The following CCDC178 variants were observed in gnomAD, a reference collection of about 807,000 sequenced individuals.
CCDC178 encodes the protein coiled-coil domain-containing protein 178.
CCDC178 carries 126 observed loss-of-function variants against 117.4 expected under a neutral mutation model. The ratio of observed to expected loss-of-function variants is 1.07; its 90% CI spans 0.93 to 1.24. The LOEUF is 1.24. Ranked by LOEUF, CCDC178 falls within the 50% of genes most tolerant of loss-of-function variation. CCDC178 has a pLI of 0.00. For missense variants in CCDC178, 1,030 were observed against 986.9 expected (o/e 1.04, Z -0.59); for synonymous variants, 283 against 313.4 (o/e 0.90, Z 1.02).
At chr18:33,175,059 T>C (rs551417464) in intron 20 of CCDC178, among the ~76,000 whole-genome samples, 2 of 151,050 alleles carry the variant, frequency 1.3e-5, no homozygotes, top group South Asian at 4.2e-4. Context: ...TTGGTATTTT[T>C]AGTTGAGATG....
At chr18:32,994,569 G>A (rs1050984219) in intron 21 of CCDC178, among the ~76,000 whole-genome samples, 1 of 152,088 alleles carries the variant, frequency 6.6e-6, no homozygotes. Flanking sequence ...AATTCAAAGG[G>A]AAAATAGAAG....
At chr18:33,254,159 C>T (rs578017624) in intron 14 of CCDC178, among the ~76,000 whole-genome samples, 8 of 151,308 alleles carry the variant, frequency 5.3e-5, no homozygotes, top group South Asian at 2.1e-4. Context: ...AATAGGAGGA[C>T]GGAGATACTG....
chr18:33,297,368 C>T (rs2062118715), intron 11 of CCDC178, among the ~76,000 whole-genome samples: 1 of 151,530 alleles, frequency 6.6e-6, no homozygotes, highest in Non-Finnish European at 1.5e-5. Context: ...CTAAAAAATA[C>T]AAGAAATTCA....
At chr18:33,301,639 G>A (rs1490952770) in intron 11 of CCDC178, among the ~76,000 whole-genome samples, 2 of 152,210 alleles carry the variant, frequency 1.3e-5, no homozygotes, top group African/African-American at 4.8e-5. Flanking sequence ...AGTAAAAGGA[G>A]ATTATTTCAG....
At chr18:33,045,090 C>T (rs2056617707) in intron 21 of CCDC178, among the ~76,000 whole-genome samples, 1 of 151,960 alleles carries the variant, frequency 6.6e-6, no homozygotes, top group Admixed American at 6.6e-5. Flanking sequence ...TCAGTAAAAA[C>T]CCAGAATTCA....
At position 33,311,071 on chromosome 18, in the gene CCDC178, G is replaced by C. The variant is rs148430758; in HGVS notation, c.1022+12420C>G. ...AAAGGACTAAGGAAAGATCCCTAGG[G>C]GTTTCAAAACCTCATTTGAAGTATT... On this transcript the variant is annotated intron_variant, in intron 11 of 22. Transcript: ENST00000383096. Among the ~76,000 whole-genome samples the C allele has an allele frequency of 1.8e-3, 271 of 152,182 alleles. 3 individuals are homozygous for C. The highest frequency in any genetic ancestry group is 0.013 in the Admixed American group (201 of 15,298).
intron 21 of CCDC178, among the ~76,000 whole-genome samples, chr18:33,028,715 T>C (rs2056276737): frequency 1.3e-5 from 2 of 151,846 alleles, no homozygotes; most frequent in African/African-American, 4.8e-5. Flanking sequence ...TTCTAGTTTA[T>C]TATTTTTTAA....
intron 22 of CCDC178, among the ~76,000 whole-genome samples, chr18:32,948,288 T>A (rs2054401531): frequency 6.6e-6 from 1 of 152,140 alleles, no homozygotes; most frequent in Non-Finnish European, 1.5e-5. Flanking sequence ...TCAATTTGGG[T>A]AAAACTGGCA....
intron 12 of CCDC178, among the ~76,000 whole-genome samples, chr18:33,274,135 C>A (rs577312380): frequency 2.6e-5 from 4 of 151,568 alleles, no homozygotes; most frequent in African/African-American, 2.4e-5. Context: ...ACAGGAAAAG[C>A]CATTTTCCAT....
At chr18:33,386,338 C>T (rs1224938786) in intron 5 of CCDC178, among the ~76,000 whole-genome samples, 1 of 152,136 alleles carries the variant, frequency 6.6e-6, no homozygotes, top group Admixed American at 6.6e-5. Flanking sequence ...AGGAGGGACT[C>T]CTCCCTAACT....
chr18:33,111,295 G>T (rs1489601849), intron 20 of CCDC178, among the ~76,000 whole-genome samples: 1 of 151,418 alleles, frequency 6.6e-6, no homozygotes, highest in Non-Finnish European at 1.5e-5. Flanking sequence ...TATCTGTAAA[G>T]TCCTTTGGGT....
intron 4 of CCDC178, among the ~76,000 whole-genome samples, chr18:33,393,861 T>A (rs1471447246): frequency 7.9e-5 from 12 of 152,134 alleles, no homozygotes; most frequent in Admixed American, 7.9e-4. Context: ...TGTATATAAG[T>A]GTGTTCAAGT....
chr18:33,278,662 T>C (rs2059983238), intron 12 of CCDC178, among the ~76,000 whole-genome samples: 1 of 152,064 alleles, frequency 6.6e-6, no homozygotes, highest in Non-Finnish European at 1.5e-5. Flanking sequence ...TTAGAGAATA[T>C]TACTATTAGC....
intron 20 of CCDC178, among the ~76,000 whole-genome samples, chr18:33,102,515 T>C (rs1046926150): frequency 6.6e-6 from 1 of 151,536 alleles, no homozygotes; most frequent in African/African-American, 2.4e-5. Flanking sequence ...GTGCCAACTA[T>C]GAGAAGTTCA....
intron 20 of CCDC178, among the ~76,000 whole-genome samples, chr18:33,157,153 A>G (rs551244702): frequency 1.6e-4 from 25 of 152,308 alleles, no homozygotes; most frequent in African/African-American, 5.8e-4. Context: ...AAATGTTTCA[A>G]AGAGTACCAG....
chr18:33,382,612 AG>A (rs999997394), intron 5 of CCDC178, among the ~76,000 whole-genome samples: 1 of 152,136 alleles, frequency 6.6e-6, no homozygotes, highest in African/African-American at 2.4e-5. Context: ...CCCATGCCAA[AG>A]GAAGTGGTGA....
chr18:33,147,130 G>A (rs1016063680), intron 20 of CCDC178, among the ~76,000 whole-genome samples: 1 of 149,702 alleles, frequency 6.7e-6, no homozygotes, highest in African/African-American at 2.5e-5. Flanking sequence ...GCATTATCTG[G>A]TAGCTGATTT....
intron 20 of CCDC178, among the ~76,000 whole-genome samples, chr18:33,129,374 C>T (rs953980144): frequency 1.1e-4 from 16 of 151,876 alleles, no homozygotes; most frequent in African/African-American, 3.9e-4. Flanking sequence ...TGTTTTAGAA[C>T]CCAAGGGCAA....
At chr18:33,198,278 C>T (rs1292840909) in intron 20 of CCDC178, among the ~76,000 whole-genome samples, 2 of 152,182 alleles carry the variant, frequency 1.3e-5, no homozygotes, top group Non-Finnish European at 2.9e-5. Flanking sequence ...GTCTCTCTCT[C>T]TCTATCTATC....
Sources: allele counts gnomAD v4.1 joint callset (sites outside exome capture counted in the v4.1 genomes callset), GRCh38; gene constraint gnomAD v4.1.1; transcripts MANE v1.5; gene names NCBI Gene and HGNC (gene_info 2026-07-23, HGNC 2026-07-21).